The following H6PD variants were observed in gnomAD, a reference collection of about 807,000 sequenced individuals.
H6PD encodes GDH/6PGL endoplasmic bifunctional protein.
H6PD carries 48 observed loss-of-function variants against 61.2 expected under a neutral mutation model. The ratio of observed to expected loss-of-function variants is 0.78; its 90% CI spans 0.62 to 1.00. The LOEUF (loss-of-function observed/expected upper bound fraction) is 1.00, where lower values mean the gene tolerates loss of function less well. Ranked by LOEUF, H6PD falls within the 50% of genes least tolerant of loss-of-function variation. The probability of loss-of-function intolerance (pLI) is 0.00; values close to 1 mark genes in which losing one functional copy is unlikely to be tolerated. For synonymous variants in H6PD, 480 were observed against 457.9 expected (o/e 1.05, Z -0.62); for missense variants, 1,093 against 1,065.0 (o/e 1.03, Z -0.37).
chr1:9,251,467 TGTTGTTAGAA>T (rs1374090269), intron 3 of H6PD, among the ~76,000 whole-genome samples: 1 of 136,560 alleles, frequency 7.3e-6, no homozygotes, highest in Non-Finnish European at 1.5e-5. Flanking sequence ...TTGTTGTTGT[TGTTGTTAGAA>T]AGAAGGAGGG....
chr1:9,262,081 G>A lies in H6PD; in HGVS notation c.768G>A (p.Glu256=), dbSNP rs1030683650. 2 of 1,614,074 alleles carry A rather than the reference G, an allele frequency of 1.2e-6. No individual in the cohort carries two copies. The highest frequency in any genetic ancestry group is 1.3e-5 in the African/African-American group (1 of 74,922). Residue 256 remains glutamate, a synonymous_variant, in exon 4 of 5, where the codon GAG becomes GAA. Transcript: ENST00000377403. Reference sequence around the variant, plus strand: ...CAGGCCGCACCAGCTTCTATGAGGAGTACGGTGTCATTCGCGACGTCCTCC... The same window carrying A: ...CAGGCCGCACCAGCTTCTATGAGGAATACGGTGTCATTCGCGACGTCCTCC... ...DAEGRTSFYE[E]YGVIRDVLQN...
chr1:9,247,424 G>A (rs992716790), intron 3 of H6PD, among the ~76,000 whole-genome samples: 34 of 152,172 alleles, frequency 2.2e-4, no homozygotes, highest in African/African-American at 7.5e-4. Flanking sequence ...CCCGACTGTG[G>A]TGCTTGCAGC....
chr1:9,241,676 A>G (rs1158930159), intron 1 of H6PD, among the ~76,000 whole-genome samples: 1 of 152,244 alleles, frequency 6.6e-6, no homozygotes. Context: ...CCGGGATTAT[A>G]GGCATGAGCC....
Position 9,264,977 on chromosome 1 carries a change from C to T in H6PD, c.*108C>T. ...CCAGCGTGCCCTGGCTCTCCAGAAC[C>T]TTCTATCCCACAGTCAGGCCCCAGA... On this transcript the variant is annotated 3_prime_UTR_variant, in exon 5 of 5. Transcript: ENST00000377403. 2 of 1,211,526 alleles carry T rather than the reference C, an allele frequency of 1.7e-6. No homozygotes were observed. Among genetic ancestry groups the T allele is most frequent in the South Asian group, 2.5e-5 (2 of 79,518 alleles). The allele number at this position is 1,211,526 out of a possible 1,614,324, so 75.0% of individuals were successfully genotyped here. A position where few individuals can be genotyped will look rare whatever the true frequency, so the allele number is the denominator to read the frequency against.
At chr1:9,253,338 G>A (rs1251192786) in intron 3 of H6PD, among the ~76,000 whole-genome samples, 1 of 152,222 alleles carries the variant, frequency 6.6e-6, no homozygotes, top group Non-Finnish European at 1.5e-5. Flanking sequence ...TAGGAAAGGG[G>A]CCGCTTAGGG....
intron 3 of H6PD, among the ~76,000 whole-genome samples, chr1:9,248,704 C>T (rs1012408527): frequency 1.6e-4 from 7 of 43,230 alleles, no homozygotes; most frequent in Non-Finnish European, 1.5e-4. Flanking sequence ...GGGGGGTGGG[C>T]GGGAGGCCAG....
At chr1:9,237,650 A>G (rs1203222061) in intron 1 of H6PD, among the ~76,000 whole-genome samples, 2 of 152,146 alleles carry the variant, frequency 1.3e-5, no homozygotes, top group East Asian at 3.9e-4. Flanking sequence ...TGCATGTCAC[A>G]CCGATAGCCT....
chr1:9,251,059 C>T (rs901618963), intron 3 of H6PD, among the ~76,000 whole-genome samples: 1 of 152,214 alleles, frequency 6.6e-6, no homozygotes, highest in Non-Finnish European at 1.5e-5. Context: ...AGTCCGTGAG[C>T]CCCTGAGAGT....
rs1187911700 is a variant in H6PD, at chr1:9,253,341, G to A, written c.745+6258G>A. On this transcript the variant is annotated intron_variant, in intron 3 of 4. Transcript: ENST00000377403. ...AGAGGATAAAAATAGGAAAGGGGCC[G>A]CTTAGGGATTCGCTACATTAATGAA... Among the ~76,000 whole-genome samples, 59 of 152,216 alleles carry A rather than the reference G, an allele frequency of 3.9e-4. 2 individuals are homozygous for A. The highest frequency in any genetic ancestry group is 3.3e-3 in the Admixed American group (51 of 15,276).
At chr1:9,252,532 G>T (rs1231156408) in intron 3 of H6PD, among the ~76,000 whole-genome samples, 1 of 151,992 alleles carries the variant, frequency 6.6e-6, no homozygotes, top group African/African-American at 2.4e-5. Flanking sequence ...CACCTCCCCG[G>T]CTTCTATCTT....
intron 3 of H6PD, among the ~76,000 whole-genome samples, chr1:9,258,416 G>T (rs559838291): frequency 1.3e-5 from 2 of 152,260 alleles, no homozygotes; most frequent in East Asian, 3.9e-4. Flanking sequence ...TGTTATGTCA[G>T]TGTTAATGTT....
rs1557749375 is a variant in H6PD at position 9,262,281 on chromosome 1, A to AGCT, written c.971_973dup (p.Leu324dup). On this transcript the variant is annotated inframe_insertion, in exon 4 of 5. Transcript: ENST00000377403. ...TCTTACAGTGAGCAGGTGCGCAGAG[A>AGCT]GCTGCAGAAGCCAGACAGCTTCCAC... 1 of 1,609,278 alleles carries AGCT rather than the reference A, an allele frequency of 6.2e-7. No individual in the cohort carries two copies. The highest frequency in any genetic ancestry group is 8.5e-7 in the Non-Finnish European group (1 of 1,177,944).
At chr1:9,249,986 G>A (rs1321811690) in intron 3 of H6PD, among the ~76,000 whole-genome samples, 1 of 152,194 alleles carries the variant, frequency 6.6e-6, no homozygotes, top group Non-Finnish European at 1.5e-5. Flanking sequence ...TTCCAGGAAG[G>A]TGGCCTGGTA....
chr1:9,238,028 G>T (rs370496868), intron 1 of H6PD, among the ~76,000 whole-genome samples: 3 of 152,206 alleles, frequency 2.0e-5, no homozygotes, highest in South Asian at 4.1e-4. Flanking sequence ...ATTAGAAAGC[G>T]ATGTACTGTG....
At chr1:9,240,156 C>G in intron 1 of H6PD, 1 of 425,810 alleles carries the variant, frequency 2.3e-6, no homozygotes, top group East Asian at 3.6e-5. Context: ...GCCTTTTCCA[C>G]CTCCCTACAG....
At chr1:9,246,902 A>G in intron 2 of H6PD, 64 bp from the exon 3 acceptor site, 1 of 1,105,770 alleles carries the variant, frequency 9.0e-7, no homozygotes, top group Non-Finnish European at 1.4e-6. Context: ...CCTTCCCGGG[A>G]GTCAGGGTTC....
intron 3 of H6PD, among the ~76,000 whole-genome samples, chr1:9,257,528 G>T (rs188476369): frequency 6.6e-6 from 1 of 152,334 alleles, no homozygotes; most frequent in Admixed American, 6.5e-5. Flanking sequence ...CCGTGACAAT[G>T]TGTGGATCTT....
Position 9,251,456 on chromosome 1 carries a change from G to T in H6PD, c.745+4373G>T, listed in dbSNP as rs528386481. On this transcript the variant is annotated intron_variant, in intron 3 of 4. Transcript: ENST00000377403. ...GCCTGCTGTTGTTGTTGTTGTTGTT[G>T]TTGTTGTTGTTGTTGTTAGAAAGAA... 7.9e-5 allele frequency among the ~76,000 whole-genome samples: 12 copies of T among 152,060 alleles called. No homozygotes were observed. The East Asian group carries it at 1.9e-3, about 24-fold the overall frequency.
rs1420689739 is a variant in H6PD, at chr1:9,270,337, G to A, written c.*5468G>A. On this transcript the variant is annotated 3_prime_UTR_variant, in exon 5 of 5. Transcript: ENST00000377403. ...CTAGTAGTTAGCTTTGAAAGTGGAA[G>A]TGTGAACAGACACTACTTGTGTCGC... is the stretch of plus-strand genomic sequence containing the variant. 1 of 152,436 alleles carries A rather than the reference G, an allele frequency of 6.6e-6. No homozygotes were observed. The highest frequency in any genetic ancestry group is 1.5e-5 in the Non-Finnish European group (1 of 68,042). The allele number at this position is 152,436 out of a possible 1,614,324, so 9.4% of individuals were successfully genotyped here.
Sources: allele counts gnomAD v4.1 joint callset (sites outside exome capture counted in the v4.1 genomes callset), GRCh38; gene constraint gnomAD v4.1.1; transcripts MANE v1.5; gene names NCBI Gene and HGNC (gene_info 2026-07-23, HGNC 2026-07-21).